Variants in MB21D2 observed in about 807,000 individuals in gnomAD.
MB21D2 encodes the protein Mab-21 domain containing 2.
In MB21D2, 9 loss-of-function variants were observed where a neutral mutation model predicts 33.3. That is an observed-to-expected ratio of 0.27 (90% CI 0.16 to 0.47). MB21D2 has a LOEUF of 0.47. MB21D2 is among the 20% of genes least tolerant of loss of function. MB21D2 has a pLI of 0.99. For missense variants in MB21D2, 540 were observed against 624.6 expected (o/e 0.86, Z 1.44); for synonymous variants, 241 against 236.3 (o/e 1.02, Z -0.18).
intron 1 of MB21D2, among the ~76,000 whole-genome samples, chr3:192,915,931 A>C (rs1347100560): frequency 6.6e-6 from 1 of 152,054 alleles, no homozygotes; most frequent in Non-Finnish European, 1.5e-5. Context: ...ACACAATGGC[A>C]GACTTCCATT....
At chr3:192,815,650 C>T (rs1052074067) in intron 1 of MB21D2, among the ~76,000 whole-genome samples, 1 of 152,078 alleles carries the variant, frequency 6.6e-6, no homozygotes, top group African/African-American at 2.4e-5. Flanking sequence ...ACAACTTTGG[C>T]GGGCTTTTGG....
chr3:192,917,252 C>G (rs532091718), intron 1 of MB21D2, among the ~76,000 whole-genome samples: 63 of 152,342 alleles, frequency 4.1e-4, no homozygotes, highest in African/African-American at 1.5e-3. Context: ...CCTCCGGCAG[C>G]CAAATCCCTC....
At chr3:192,812,124 T>C (rs1488950736) in intron 1 of MB21D2, among the ~76,000 whole-genome samples, 1 of 152,158 alleles carries the variant, frequency 6.6e-6, no homozygotes, top group Non-Finnish European at 1.5e-5. Context: ...CTTGGCTCAC[T>C]GCAACCTCTG....
At chr3:192,833,620 T>C (rs916735349) in intron 1 of MB21D2, among the ~76,000 whole-genome samples, 7 of 152,172 alleles carry the variant, frequency 4.6e-5, no homozygotes, top group Admixed American at 1.3e-4. Context: ...ATAGATTCTA[T>C]GCTTTTCCAG....
At chr3:192,915,539 T>C (rs77933894) in intron 1 of MB21D2, among the ~76,000 whole-genome samples, 2,112 of 152,204 alleles carry the variant, frequency 0.014, 50 homozygotes, top group African/African-American at 0.048. Flanking sequence ...TGACACTCTC[T>C]TGAATCTTCT....
At chr3:192,883,767 C>A (rs999786425) in intron 1 of MB21D2, among the ~76,000 whole-genome samples, 2 of 152,196 alleles carry the variant, frequency 1.3e-5, no homozygotes, top group African/African-American at 4.8e-5. Flanking sequence ...TTTCTAGCTC[C>A]AAAGATACAT....
At chr3:192,850,170 G>A (rs1465594919) in intron 1 of MB21D2, among the ~76,000 whole-genome samples, 3 of 151,982 alleles carry the variant, frequency 2.0e-5, no homozygotes, top group Admixed American at 6.6e-5. Flanking sequence ...CACCCGCCTC[G>A]GCCTCCCAAA....
At chr3:192,882,963 C>A (rs1296383294) in intron 1 of MB21D2, among the ~76,000 whole-genome samples, 1 of 151,460 alleles carries the variant, frequency 6.6e-6, no homozygotes, top group Admixed American at 6.6e-5. Flanking sequence ...GAACTCCTGA[C>A]CTCAGGTAAT....
At position 192,797,328 on chromosome 3, in the gene MB21D2, C is replaced by T. The variant is rs923804583; in HGVS notation, c.*1058G>A. On this transcript the variant is annotated 3_prime_UTR_variant, in exon 2 of 2. Transcript: ENST00000392452. ...GTAGAGATTTTACAAAAAAGCTTAC[C>T]TCTATGACCCCAAAAGAAATAAATA... 1 of 152,690 alleles carries T rather than the reference C, an allele frequency of 6.5e-6. No individual in the cohort carries two copies. Among genetic ancestry groups the T allele is most frequent in the East Asian group, 1.9e-4 (1 of 5,182 alleles). 9.5% of individuals were successfully genotyped at this position (152,690 alleles called of 1,614,324 possible). A position where few individuals can be genotyped will look rare whatever the true frequency, so the allele number is the denominator to read the frequency against.
chr3:192,824,901 C>A (rs1355997465), intron 1 of MB21D2, among the ~76,000 whole-genome samples: 3 of 152,144 alleles, frequency 2.0e-5, no homozygotes, highest in Admixed American at 1.3e-4. Context: ...AAGAGGTACA[C>A]CAAACAAAGT....
intron 1 of MB21D2, among the ~76,000 whole-genome samples, chr3:192,897,127 A>G (rs1713992302): frequency 6.6e-6 from 1 of 152,190 alleles, no homozygotes; most frequent in Non-Finnish European, 1.5e-5. Flanking sequence ...TAGATCAAAC[A>G]ACCTCGTGGG....
chr3:192,887,266 C>A (rs762767595), intron 1 of MB21D2, among the ~76,000 whole-genome samples: 5 of 152,106 alleles, frequency 3.3e-5, no homozygotes, highest in Non-Finnish European at 7.4e-5. Flanking sequence ...CTTACCTCAG[C>A]CTCCAGGACT....
chr3:192,878,094 TTTTTTTTGG>T (rs1713478003), intron 1 of MB21D2, among the ~76,000 whole-genome samples: 4 of 139,342 alleles, frequency 2.9e-5, no homozygotes, highest in African/African-American at 8.5e-5. Context: ...TTTTTTTTTT[TTTTTTTTGG>T]TTTTTTTTGT....
At chr3:192,825,477 A>G (rs1712154680) in intron 1 of MB21D2, among the ~76,000 whole-genome samples, 1 of 148,864 alleles carries the variant, frequency 6.7e-6, no homozygotes, top group South Asian at 2.1e-4. Flanking sequence ...TGCCCATGAA[A>G]TAAAAAGAAA....
chr3:192,849,594 G>C (rs1712755219), intron 1 of MB21D2, among the ~76,000 whole-genome samples: 1 of 152,174 alleles, frequency 6.6e-6, no homozygotes, highest in Non-Finnish European at 1.5e-5. Flanking sequence ...GGAATTACTG[G>C]CGTGAGACAC....
intron 1 of MB21D2, among the ~76,000 whole-genome samples, chr3:192,903,350 C>T (rs545531736): frequency 1.3e-5 from 2 of 152,206 alleles, no homozygotes; most frequent in East Asian, 1.9e-4. Context: ...GTCTATAAAA[C>T]GGAGGAGGGA....
chr3:192,877,538 G>A (rs1384242807), intron 1 of MB21D2, among the ~76,000 whole-genome samples: 2 of 152,074 alleles, frequency 1.3e-5, no homozygotes, highest in Non-Finnish European at 2.9e-5. Context: ...ATCCACAATG[G>A]CCTCCTTGGC....
At chr3:192,877,847 T>G (rs1713466347) in intron 1 of MB21D2, among the ~76,000 whole-genome samples, 1 of 152,176 alleles carries the variant, frequency 6.6e-6, no homozygotes, top group African/African-American at 2.4e-5. Flanking sequence ...CTCCAGAAGT[T>G]GCCACGTCTA....
chr3:192,894,355 T>C (rs1053573855), intron 1 of MB21D2, among the ~76,000 whole-genome samples: 1 of 152,010 alleles, frequency 6.6e-6, no homozygotes, highest in Non-Finnish European at 1.5e-5. Context: ...GGTTTCAAAC[T>C]CCTAACCTCA....
Sources: allele counts gnomAD v4.1 joint callset (sites outside exome capture counted in the v4.1 genomes callset), GRCh38; gene constraint gnomAD v4.1.1; transcripts MANE v1.5; gene names NCBI Gene and HGNC (gene_info 2026-07-23, HGNC 2026-07-21).